HPSE2: variants seen among roughly 807,000 people sequenced by gnomAD.
HPSE2 encodes the protein heparanase 2 (inactive).
In HPSE2, 38 loss-of-function variants were observed where a neutral mutation model predicts 60.5. The ratio of observed to expected loss-of-function variants is 0.63; its 90% CI spans 0.48 to 0.82. The LOEUF is 0.82. Ranked by LOEUF, HPSE2 falls within the 40% of genes least tolerant of loss-of-function variation. HPSE2 has a pLI of 0.00. For synonymous variants in HPSE2, 295 were observed against 293.2 expected, an observed-to-expected ratio of 1.01 and a Z score of -0.06; for missense variants, 713 against 740.4, an observed-to-expected ratio of 0.96 and a Z score of 0.43.
intron 3 of HPSE2, among the ~76,000 whole-genome samples, chr10:98,853,004 T>C (rs1032659573): frequency 1.3e-5 from 2 of 152,246 alleles, no homozygotes; most frequent in Non-Finnish European, 2.9e-5. Context: ...GGGCCTTATG[T>C]TGTCTGACTG....
chr10:98,729,301 T>G (rs530403424), intron 4 of HPSE2, among the ~76,000 whole-genome samples: 2 of 150,836 alleles, frequency 1.3e-5, no homozygotes, highest in Non-Finnish European at 2.9e-5. Flanking sequence ...GAAGGTAAAA[T>G]TTTTTTTTAA....
intron 9 of HPSE2, among the ~76,000 whole-genome samples, chr10:98,576,057 CCT>C (rs1394171382): frequency 6.6e-6 from 1 of 151,724 alleles, no homozygotes; most frequent in Non-Finnish European, 1.5e-5. Context: ...GAATGAAGCC[CCT>C]GTTTCACTCT....
At chr10:98,729,425 C>T (rs1005208762) in intron 4 of HPSE2, among the ~76,000 whole-genome samples, 2 of 151,974 alleles carry the variant, frequency 1.3e-5, no homozygotes, top group Non-Finnish European at 2.9e-5. Context: ...CTGGCTAACA[C>T]AGTGAAACCC....
intron 3 of HPSE2, among the ~76,000 whole-genome samples, chr10:98,840,217 A>G (rs187937270): frequency 1.3e-5 from 2 of 152,316 alleles, no homozygotes; most frequent in East Asian, 3.9e-4. Context: ...AAGTGAATTA[A>G]TAGTTCAGCT....
At chr10:99,233,492 C>T (rs1386911386) in intron 1 of HPSE2, among the ~76,000 whole-genome samples, 1 of 152,178 alleles carries the variant, frequency 6.6e-6, no homozygotes, top group African/African-American at 2.4e-5. Flanking sequence ...AAGCCAAAGG[C>T]TGCTGCTTTG....
intron 3 of HPSE2, among the ~76,000 whole-genome samples, chr10:98,962,790 GACAA>G (rs1321358396): frequency 6.7e-6 from 1 of 150,362 alleles, no homozygotes; most frequent in African/African-American, 2.5e-5. Context: ...ACCAACAACA[GACAA>G]ACAGAGAGCC....
chr10:98,888,805 A>C (rs1454991798), intron 3 of HPSE2, among the ~76,000 whole-genome samples: 1 of 152,236 alleles, frequency 6.6e-6, no homozygotes, highest in Admixed American at 6.5e-5. Context: ...AAAACAAGGA[A>C]TCATGGGAAA....
chr10:98,726,546 T>C (rs1418412998), intron 4 of HPSE2, among the ~76,000 whole-genome samples: 2 of 150,706 alleles, frequency 1.3e-5, no homozygotes, highest in Non-Finnish European at 3.0e-5. Flanking sequence ...AATGACGAGT[T>C]AATGGGTGCA....
At chr10:99,277,489 A>G in the HPSE2 span, among the ~76,000 whole-genome samples, 6 of 152,360 alleles carry the variant, frequency 3.9e-5, no homozygotes, top group South Asian at 1.2e-3. Flanking sequence ...GTGTCACTGG[A>G]TGAAACCATG....
At chr10:98,748,909 A>G (rs750843742) in intron 3 of HPSE2, among the ~76,000 whole-genome samples, 6 of 152,168 alleles carry the variant, frequency 3.9e-5, no homozygotes, top group Non-Finnish European at 8.8e-5. Flanking sequence ...TTAATCAAAC[A>G]GTGAGGTTAG....
chr10:99,209,209 A>G (rs7083335), intron 2 of HPSE2, among the ~76,000 whole-genome samples: 131,972 of 152,186 alleles, frequency 0.87, 57,509 homozygotes, highest in African/African-American at 0.94. Flanking sequence ...GAGCACATAC[A>G]GAAAATTCTC....
chr10:99,307,614 C>T, the HPSE2 span, among the ~76,000 whole-genome samples: 2 of 152,118 alleles, frequency 1.3e-5, no homozygotes, highest in Non-Finnish European at 2.9e-5. Flanking sequence ...GATTCTGATC[C>T]TTATGGTTAT....
intron 3 of HPSE2, among the ~76,000 whole-genome samples, chr10:98,963,653 T>C (rs1391829399): frequency 6.6e-6 from 1 of 152,168 alleles, no homozygotes; most frequent in East Asian, 1.9e-4. Context: ...GTAAGTATGG[T>C]TACAAATGTC....
At chr10:98,888,928 T>C (rs987869051) in intron 3 of HPSE2, among the ~76,000 whole-genome samples, 1 of 152,136 alleles carries the variant, frequency 6.6e-6, no homozygotes, top group East Asian at 1.9e-4. Flanking sequence ...TGGTGCCTCA[T>C]CCCTATAATT....
At chr10:99,049,484 C>T (rs979157377) in intron 3 of HPSE2, among the ~76,000 whole-genome samples, 1 of 151,950 alleles carries the variant, frequency 6.6e-6, no homozygotes, top group African/African-American at 2.4e-5. Context: ...CAAATTTTGA[C>T]AGACAAAGGC....
At chr10:99,004,698 T>C (rs2496707) in intron 3 of HPSE2, among the ~76,000 whole-genome samples, 1 of 152,062 alleles carries the variant, frequency 6.6e-6, no homozygotes, top group Non-Finnish European at 1.5e-5. Flanking sequence ...TAGTATTAGA[T>C]AATTCTAAAT....
chr10:99,268,512 GGTGTGCACCTATAATCCCA>G, the HPSE2 span, among the ~76,000 whole-genome samples: 1 of 151,688 alleles, frequency 6.6e-6, no homozygotes, highest in Non-Finnish European at 1.5e-5. Flanking sequence ...CGGGTGTGGT[GGTGTGCACCTATAATCCCA>G]GCTACCTGGG....
intron 11 of HPSE2, among the ~76,000 whole-genome samples, chr10:98,473,099 A>G (rs1272512426): frequency 6.6e-6 from 1 of 152,208 alleles, no homozygotes; most frequent in Non-Finnish European, 1.5e-5. Context: ...AAATGTTACT[A>G]TATTGTGTTA....
intron 6 of HPSE2, among the ~76,000 whole-genome samples, chr10:98,687,839 A>G (rs1947957179): frequency 6.6e-6 from 1 of 152,054 alleles, no homozygotes; most frequent in Admixed American, 6.6e-5. Flanking sequence ...GTGTCTTTAT[A>G]TTTAAAGTGT....
Sources: gnomAD v4.1 joint callset for allele counts (sites outside exome capture counted in the v4.1 genomes callset) on GRCh38, gnomAD v4.1.1 for gene constraint, MANE v1.5 for transcripts, NCBI Gene and HGNC (gene_info 2026-07-23, HGNC 2026-07-21) for gene names.